The following RBFOX1 variants were observed in gnomAD, a reference collection of about 807,000 sequenced individuals.
The protein encoded by RBFOX1 is RNA binding fox-1 homolog 1, also known as RNA binding protein fox-1 homolog 1.
RBFOX1 carries 8 observed loss-of-function variants against 57.7 expected under a neutral mutation model. The ratio of observed to expected loss-of-function variants is 0.14; its 90% confidence interval spans 0.08 to 0.25. The LOEUF (loss-of-function observed/expected upper bound fraction) is 0.25, where lower values mean the gene tolerates loss of function less well. RBFOX1 is among the 10% of genes least tolerant of loss of function. RBFOX1 has a pLI of 1.00. For missense variants in RBFOX1, 611 were observed against 548.5 expected, an observed-to-expected ratio of 1.11 and a Z score of -1.14; for synonymous variants, 326 against 222.4, an observed-to-expected ratio of 1.47 and a Z score of -4.15.
intron 4 of RBFOX1, among the ~76,000 whole-genome samples, chr16:7,212,192 A>G (rs1218455185): frequency 6.6e-6 from 1 of 152,170 alleles, no homozygotes; most frequent in Non-Finnish European, 1.5e-5. Flanking sequence ...TGTTTGAGTG[A>G]CATAGGTCTT....
intron 3 of RBFOX1, among the ~76,000 whole-genome samples, chr16:5,834,575 G>C (rs2056388514): frequency 7.6e-6 from 1 of 131,518 alleles, no homozygotes; most frequent in Admixed American, 7.8e-5. Context: ...AAGTGCATGT[G>C]TCATAGATAG....
At chr16:5,587,765 C>T (rs1206428197) in intron 2 of RBFOX1, among the ~76,000 whole-genome samples, 2 of 152,080 alleles carry the variant, frequency 1.3e-5, no homozygotes, top group Admixed American at 1.3e-4. Flanking sequence ...GACCTGAGCC[C>T]TCATAAACAG....
chr16:7,691,697 G>A (rs1411665887), intron 14 of RBFOX1, among the ~76,000 whole-genome samples: 5 of 152,068 alleles, frequency 3.3e-5, no homozygotes, highest in African/African-American at 7.2e-5. Flanking sequence ...GTCTCCAAGT[G>A]GCTTTCCTGA....
At chr16:7,497,615 G>C (rs183244332) in intron 4 of RBFOX1, among the ~76,000 whole-genome samples, 24 of 152,100 alleles carry the variant, frequency 1.6e-4, no homozygotes, top group African/African-American at 5.8e-4. Context: ...AACCTACTGG[G>C]GACCAGACAC....
chr16:7,311,335 G>C (rs897640603), intron 4 of RBFOX1, among the ~76,000 whole-genome samples: 2 of 152,100 alleles, frequency 1.3e-5, no homozygotes, highest in African/African-American at 4.8e-5. Flanking sequence ...GTTAGTGTGT[G>C]TTCCCAGGGA....
chr16:6,590,685 C>T (rs543878861), intron 2 of RBFOX1, among the ~76,000 whole-genome samples: 1 of 152,252 alleles, frequency 6.6e-6, no homozygotes, highest in African/African-American at 2.4e-5. Context: ...ATGCATACTA[C>T]GAATCTTTCT....
chr16:7,045,358 C>T (rs1005430852), intron 3 of RBFOX1, among the ~76,000 whole-genome samples: 1 of 152,150 alleles, frequency 6.6e-6, no homozygotes, highest in East Asian at 1.9e-4. Context: ...ATAAACACAA[C>T]AAAAACAAAC....
chr16:7,077,241 T>A lies in RBFOX1; in HGVS notation c.27+25143T>A, dbSNP rs185925484. ...TGTTCAGACAATCCATGAGGGGAAATGTTGGCATTGGTGGGCAAGGTACTG... is the reference window on the plus strand; with the variant it reads ...TGTTCAGACAATCCATGAGGGGAAAAGTTGGCATTGGTGGGCAAGGTACTG... On this transcript the variant is annotated intron_variant, in intron 4 of 15. Transcript: ENST00000550418. Among the ~76,000 whole-genome samples, 342 of 152,264 alleles carry A rather than the reference T, an allele frequency of 2.2e-3. 3 individuals carry two copies. Among genetic ancestry groups the A allele is most frequent in the South Asian group, 0.012 (57 of 4,812 alleles).
At chr16:6,752,650 G>A (rs1568463449) in intron 3 of RBFOX1, among the ~76,000 whole-genome samples, 1 of 152,064 alleles carries the variant, frequency 6.6e-6, no homozygotes, top group Admixed American at 6.6e-5. Flanking sequence ...CCCTGCTCTG[G>A]AATACCGGTA....
At position 6,519,687 on chromosome 16, in the gene RBFOX1, A is replaced by G. The variant is rs1032506566; in HGVS notation, c.-63-134916A>G. Among the ~76,000 whole-genome samples the G allele has an allele frequency of 3.9e-5, 6 of 152,220 alleles. 1 individual carries two copies. The South Asian group carries it at 6.2e-4, about 16-fold the overall frequency. On this transcript the variant is annotated intron_variant, in intron 2 of 15. Transcript: ENST00000550418. ...CTGCACTGCAGTCTGGGTGACAAGA[A>G]TGGAACTCTGTCTCAAAAAGATAAT...
chr16:7,057,029 G>C (rs888131600), intron 4 of RBFOX1, among the ~76,000 whole-genome samples: 68 of 136,606 alleles, frequency 5.0e-4, no homozygotes, highest in Non-Finnish European at 9.9e-4. Context: ...TTAAAGCACT[G>C]AAAAAAAAAA....
At chr16:6,679,878 G>GTTTTTTTTTTTTTTTTTTTTT (rs71145274) in intron 3 of RBFOX1, among the ~76,000 whole-genome samples, 1 of 114,304 alleles carries the variant, frequency 8.7e-6, no homozygotes, top group Admixed American at 9.2e-5. Context: ...GTTTCTACTT[G>GTTTTTTTTTTTTTTTTTTTTT]TTTTTTTTTT....
At chr16:5,516,317 GCTTCCTGTCTCCCTCA>G (rs937202846) in intron 2 of RBFOX1, among the ~76,000 whole-genome samples, 2 of 151,330 alleles carry the variant, frequency 1.3e-5, no homozygotes, top group Admixed American at 6.6e-5. Context: ...GTGTCCCATA[GCTTCCTGTCTCCCTCA>G]CTTCCTGTCT....
chr16:7,124,676 C>T (rs760580933), intron 4 of RBFOX1, among the ~76,000 whole-genome samples: 2 of 151,224 alleles, frequency 1.3e-5, no homozygotes, highest in Non-Finnish European at 2.9e-5. Context: ...ACGTGAACCT[C>T]ACAATACTCG....
At chr16:5,275,713 G>C (rs544376949) in intron 1 of RBFOX1, among the ~76,000 whole-genome samples, 2 of 152,264 alleles carry the variant, frequency 1.3e-5, no homozygotes, top group East Asian at 1.9e-4. Context: ...AAGTATAAAA[G>C]AGTCTGCATA....
chr16:6,022,995 A>G (rs1241818073), intron 1 of RBFOX1, among the ~76,000 whole-genome samples: 1 of 152,158 alleles, frequency 6.6e-6, no homozygotes, highest in Non-Finnish European at 1.5e-5. Context: ...TCGGGGATCT[A>G]AAATCGTCAA....
intron 4 of RBFOX1, among the ~76,000 whole-genome samples, chr16:7,131,851 G>T (rs1477899764): frequency 1.3e-5 from 2 of 151,986 alleles, no homozygotes; most frequent in East Asian, 1.9e-4. Flanking sequence ...CATCCAAATG[G>T]CTTAACTTCC....
At chr16:7,328,132 G>A (rs2096635946) in intron 4 of RBFOX1, among the ~76,000 whole-genome samples, 1 of 152,150 alleles carries the variant, frequency 6.6e-6, no homozygotes, top group Admixed American at 6.5e-5. Context: ...AGCCTCCAGA[G>A]TGGCGGAGAC....
intron 2 of RBFOX1, among the ~76,000 whole-genome samples, chr16:6,619,277 C>T (rs1424434068): frequency 6.6e-6 from 1 of 152,124 alleles, no homozygotes; most frequent in Non-Finnish European, 1.5e-5. Flanking sequence ...TTTCAGGTTC[C>T]ATGATAATGA....
Sources: gnomAD v4.1 joint callset for allele counts (sites outside exome capture counted in the v4.1 genomes callset) on GRCh38, gnomAD v4.1.1 for gene constraint, MANE v1.5 for transcripts, NCBI Gene and HGNC (gene_info 2026-07-23, HGNC 2026-07-21) for gene names.